The following ARMH3 variants were observed in gnomAD, a reference collection of about 807,000 sequenced individuals.
ARMH3 encodes the protein armadillo-like helical domain-containing protein 3.
A neutral mutation model predicts 99.1 loss-of-function variants in ARMH3; 60 were observed. The observed-to-expected ratio is 0.61, with a 90% CI of 0.49 to 0.75. ARMH3 has a LOEUF of 0.75. ARMH3 is among the 30% of genes least tolerant of loss of function. The pLI, the probability that ARMH3 is intolerant of heterozygous loss-of-function variation, is 0.00. For synonymous variants in ARMH3, 285 were observed against 292.8 expected (o/e 0.97, Z 0.27); for missense variants, 679 against 843.1 (o/e 0.81, Z 2.41).
chr10:102,011,562 G>A (rs1445846877), intron 11 of ARMH3, among the ~76,000 whole-genome samples, 161 bp downstream of exon 11: 3 of 151,778 alleles, frequency 2.0e-5, no homozygotes, highest in Non-Finnish European at 2.9e-5. Context: ...AAGAAACTCA[G>A]TAAAGGAAAT....
In ARMH3 at chr10:102,049,930, C is replaced by A. The variant is rs548611807; in HGVS notation, c.-12+6155G>T. ...CTAGTAAGTGATAAAGCCATTAAAT[C>A]TTTCTCTCTGGTAGCGCTTCTCCCT... On this transcript the variant is annotated intron_variant, in intron 1 of 25. Transcript: ENST00000370033. Among the ~76,000 whole-genome samples, 24 of 152,208 alleles carry A rather than the reference C, an allele frequency of 1.6e-4. No homozygotes were observed. In the South Asian group the frequency reaches 5.0e-3, roughly 32 times the overall value.
chr10:102,041,090 A>ATATATATATATATAATATATATAT (rs1554897209), intron 1 of ARMH3, among the ~76,000 whole-genome samples: 1 of 132,642 alleles, frequency 7.5e-6, no homozygotes, highest in Non-Finnish European at 1.6e-5. Context: ...ATATATATAT[A>ATATATATATATATAATATATATAT]ATATATATAT....
At chr10:101,941,151 T>C (rs566293628) in intron 22 of ARMH3, among the ~76,000 whole-genome samples, 21 of 152,232 alleles carry the variant, frequency 1.4e-4, no homozygotes, top group South Asian at 8.3e-4. Context: ...TGGAGGGAAA[T>C]GACTCAAGAG....
chr10:102,018,086 C>T (rs1590190145), intron 8 of ARMH3, among the ~76,000 whole-genome samples: 1 of 152,326 alleles, frequency 6.6e-6, no homozygotes. Context: ...TGCCTCAGTG[C>T]AGCTCCTGAC....
At chr10:101,909,742 G>GCCC (rs1842790469) in intron 23 of ARMH3, among the ~76,000 whole-genome samples, 1 of 151,952 alleles carries the variant, frequency 6.6e-6, no homozygotes, top group Non-Finnish European at 1.5e-5. Flanking sequence ...TTACAGGAGT[G>GCCC]AGCCACTATG....
intron 24 of ARMH3, among the ~76,000 whole-genome samples, chr10:101,886,873 T>C (rs1207196914): frequency 2.0e-5 from 3 of 152,190 alleles, no homozygotes; most frequent in Non-Finnish European, 4.4e-5. Context: ...TTAACATCTA[T>C]CCATGCTCTT....
At chr10:101,891,672 A>G (rs543584396) in intron 23 of ARMH3, among the ~76,000 whole-genome samples, 1 of 152,370 alleles carries the variant, frequency 6.6e-6, no homozygotes, top group African/African-American at 2.4e-5. Flanking sequence ...GTTAATAATA[A>G]TGCCAGTTAC....
intron 18 of ARMH3, among the ~76,000 whole-genome samples, chr10:101,991,579 C>A (rs1195038402): frequency 1.3e-5 from 2 of 152,128 alleles, no homozygotes; most frequent in Admixed American, 1.3e-4. Context: ...CAGGTTTTCA[C>A]CATGTTGGCC....
intron 10 of ARMH3, 57 bp from the exon 11 acceptor site, chr10:102,011,840 C>T (rs2066636626): frequency 2.1e-6 from 3 of 1,453,864 alleles, no homozygotes; most frequent in African/African-American, 1.4e-5. Context: ...TGTCTTTGTC[C>T]TTGACATTTG....
At chr10:101,945,890 C>G (rs1844496413) in intron 22 of ARMH3, among the ~76,000 whole-genome samples, 2 of 151,296 alleles carry the variant, frequency 1.3e-5, no homozygotes, top group African/African-American at 4.9e-5. Context: ...CGAGACCAAC[C>G]TGGCCAACAT....
intron 24 of ARMH3, among the ~76,000 whole-genome samples, chr10:101,862,309 GCTCACA>G (rs2066893105): frequency 6.6e-6 from 1 of 151,968 alleles, no homozygotes; most frequent in African/African-American, 2.4e-5. Flanking sequence ...GGGTGTAGTG[GCTCACA>G]CCTGCAATCC....
chr10:101,990,530 T>C, intron 19 of ARMH3, 21 bp downstream of exon 19: 1 of 1,505,540 alleles, frequency 6.6e-7, no homozygotes, highest in Non-Finnish European at 9.2e-7. Flanking sequence ...ACACATTAAA[T>C]GTGTACATAT....
chr10:101,957,831 G>C (rs1564793324), intron 20 of ARMH3, 99 bp from the exon 21 acceptor site: 2 of 1,448,138 alleles, frequency 1.4e-6, no homozygotes. Flanking sequence ...CAGAAGGTTA[G>C]AGTGAGTAAG....
chr10:101,931,188 T>C (rs1454116513), intron 23 of ARMH3, among the ~76,000 whole-genome samples: 1 of 152,186 alleles, frequency 6.6e-6, no homozygotes, highest in African/African-American at 2.4e-5. Flanking sequence ...AAGTTCCAAA[T>C]TCAGCCTGAC....
chr10:102,012,540 C>T (rs1183299578), intron 10 of ARMH3, among the ~76,000 whole-genome samples: 1 of 152,220 alleles, frequency 6.6e-6, no homozygotes, highest in Non-Finnish European at 1.5e-5. Flanking sequence ...GAAGTGCCCA[C>T]TTGTGGCTGG....
At chr10:101,891,120 C>T (rs1234944370) in intron 23 of ARMH3, among the ~76,000 whole-genome samples, 4 of 151,876 alleles carry the variant, frequency 2.6e-5, no homozygotes, top group Non-Finnish European at 2.9e-5. Flanking sequence ...GGCAGTCCTC[C>T]CTCCTCACCT....
intron 24 of ARMH3, among the ~76,000 whole-genome samples, chr10:101,863,596 T>A (rs985305137): frequency 6.6e-6 from 1 of 152,102 alleles, no homozygotes; most frequent in Non-Finnish European, 1.5e-5. Context: ...TTGGAACAAT[T>A]TGAAAAATCT....
At chr10:101,911,043 T>C (rs1428226005) in intron 23 of ARMH3, among the ~76,000 whole-genome samples, 1 of 150,694 alleles carries the variant, frequency 6.6e-6, no homozygotes, top group Admixed American at 6.6e-5. Flanking sequence ...GGGAGACTGA[T>C]GCAGGAGAAT....
At chr10:101,952,178 T>G (rs1352928358) in intron 22 of ARMH3, among the ~76,000 whole-genome samples, 1 of 151,892 alleles carries the variant, frequency 6.6e-6, no homozygotes, top group Non-Finnish European at 1.5e-5. Flanking sequence ...GTAGAAAAAA[T>G]TACAACTCTG....
Sources: gnomAD v4.1 joint callset for allele counts (sites outside exome capture counted in the v4.1 genomes callset) on GRCh38, gnomAD v4.1.1 for gene constraint, MANE v1.5 for transcripts, NCBI Gene and HGNC (gene_info 2026-07-23, HGNC 2026-07-21) for gene names.